CCSER1: variants seen among roughly 807,000 people sequenced by gnomAD.
The protein encoded by CCSER1 is coiled-coil serine rich protein 1.
CCSER1 carries 41 observed loss-of-function variants against 82.0 expected under a neutral mutation model. That is an observed-to-expected ratio of 0.50 (90% CI 0.39 to 0.65). The LOEUF is 0.65. CCSER1 is among the 30% of genes least tolerant of loss of function. CCSER1 has a pLI of 0.00. For synonymous variants in CCSER1, 414 were observed against 383.9 expected, an observed-to-expected ratio of 1.08 and a Z score of -0.92; for missense variants, 1,119 against 1,064.2, an observed-to-expected ratio of 1.05 and a Z score of -0.72.
intron 1 of CCSER1, among the ~76,000 whole-genome samples, chr4:90,132,983 G>A (rs1723062760): frequency 1.3e-5 from 2 of 152,144 alleles, no homozygotes; most frequent in Non-Finnish European, 2.9e-5. Flanking sequence ...ATAGCAGCAA[G>A]TATAAACTTG....
At chr4:91,077,183 G>T (rs9998903) in intron 9 of CCSER1, among the ~76,000 whole-genome samples, 1 of 152,066 alleles carries the variant, frequency 6.6e-6, no homozygotes, top group Non-Finnish European at 1.5e-5. Context: ...AATACAGAGG[G>T]TATTCAGTAG....
intron 10 of CCSER1, among the ~76,000 whole-genome samples, chr4:91,347,981 T>G (rs1748177843): frequency 1.3e-5 from 2 of 152,086 alleles, no homozygotes; most frequent in South Asian, 2.1e-4. Context: ...TTTGTTGTTC[T>G]TATTTCATTG....
intron 7 of CCSER1, among the ~76,000 whole-genome samples, chr4:90,812,783 G>GGA (rs576180696): frequency 5.9e-5 from 9 of 151,908 alleles, no homozygotes; most frequent in Non-Finnish European, 7.4e-5. Flanking sequence ...CAAAGCAGCA[G>GGA]GAGAGAGAGA....
intron 3 of CCSER1, among the ~76,000 whole-genome samples, chr4:90,334,466 T>C (rs1249945960): frequency 6.6e-6 from 1 of 152,148 alleles, no homozygotes. Context: ...GTGTTCTTTA[T>C]TATTGTGACT....
At chr4:91,590,353 T>C (rs999845584) in intron 10 of CCSER1, among the ~76,000 whole-genome samples, 5 of 152,162 alleles carry the variant, frequency 3.3e-5, no homozygotes, top group African/African-American at 9.6e-5. Context: ...GGTTATTACA[T>C]CAACTTATTA....
chr4:90,711,255 A>G (rs1740555915), intron 6 of CCSER1, among the ~76,000 whole-genome samples: 1 of 152,104 alleles, frequency 6.6e-6, no homozygotes, highest in Non-Finnish European at 1.5e-5. Flanking sequence ...TTTTCTAGAT[A>G]TAGTGTCATG....
At chr4:90,971,307 A>G (rs908653806) in intron 9 of CCSER1, among the ~76,000 whole-genome samples, 5 of 151,868 alleles carry the variant, frequency 3.3e-5, no homozygotes, top group Admixed American at 2.0e-4. Context: ...AGAGCAGGAG[A>G]GAGAGAGCAA....
intron 10 of CCSER1, among the ~76,000 whole-genome samples, chr4:91,348,791 G>GA (rs1748248840): frequency 6.6e-6 from 1 of 152,108 alleles, no homozygotes; most frequent in African/African-American, 2.4e-5. Flanking sequence ...GTTCAGTAAT[G>GA]ATAGTTGCTT....
intron 3 of CCSER1, among the ~76,000 whole-genome samples, chr4:90,333,163 C>T (rs1739648981): frequency 6.6e-6 from 1 of 152,142 alleles, no homozygotes; most frequent in African/African-American, 2.4e-5. Context: ...CAATTTATCT[C>T]ATTCCTGGTG....
intron 7 of CCSER1, among the ~76,000 whole-genome samples, chr4:90,767,009 C>G (rs1365271053): frequency 6.6e-6 from 1 of 152,138 alleles, no homozygotes; most frequent in East Asian, 1.9e-4. Context: ...ACTGAGCAAG[C>G]TGAATGTCAC....
chr4:90,437,577 G>C (rs1029613652), intron 4 of CCSER1, among the ~76,000 whole-genome samples: 9 of 152,148 alleles, frequency 5.9e-5, no homozygotes, highest in East Asian at 1.9e-4. Context: ...AAAATTTCCT[G>C]GTTTTGGGAA....
chr4:90,554,967 A>T (rs932691446), intron 5 of CCSER1, among the ~76,000 whole-genome samples: 1 of 152,218 alleles, frequency 6.6e-6, no homozygotes, highest in African/African-American at 2.4e-5. Flanking sequence ...CTAAAAACTG[A>T]TAAACACTTC....
intron 10 of CCSER1, among the ~76,000 whole-genome samples, chr4:91,407,117 C>T (rs921717214): frequency 5.9e-5 from 9 of 152,098 alleles, no homozygotes; most frequent in Middle Eastern, 3.2e-3. Context: ...TAAATTTGTT[C>T]TTGCTTTGCT....
intron 6 of CCSER1, among the ~76,000 whole-genome samples, chr4:90,709,797 C>A (rs1274178912): frequency 6.6e-6 from 1 of 152,008 alleles, no homozygotes; most frequent in Non-Finnish European, 1.5e-5. Flanking sequence ...TGGGTATATA[C>A]CCAGTAATGG....
At chr4:91,466,256 AT>A (rs1756899124) in intron 10 of CCSER1, among the ~76,000 whole-genome samples, 1 of 152,200 alleles carries the variant, frequency 6.6e-6, no homozygotes, top group Non-Finnish European at 1.5e-5. Context: ...CAAAAACCAC[AT>A]AATTATCTCA....
intron 5 of CCSER1, among the ~76,000 whole-genome samples, chr4:90,568,297 T>A (rs912265831): frequency 2.6e-5 from 4 of 152,204 alleles, no homozygotes; most frequent in African/African-American, 9.6e-5. Flanking sequence ...TTGTAGTCCA[T>A]CTCTCCCTTC....
intron 10 of CCSER1, among the ~76,000 whole-genome samples, chr4:91,473,318 A>G (rs768649978): frequency 6.6e-6 from 1 of 152,202 alleles, no homozygotes; most frequent in Non-Finnish European, 1.5e-5. Context: ...TGGTGATGCC[A>G]TGAAGCAGCT....
chr4:91,283,368 C>T (rs1743059254), intron 10 of CCSER1, among the ~76,000 whole-genome samples: 1 of 151,948 alleles, frequency 6.6e-6, no homozygotes, highest in South Asian at 2.1e-4. Context: ...CTTCATCTTT[C>T]CTTTCTATAG....
chr4:90,816,883 A>G (rs1759090954), intron 8 of CCSER1, among the ~76,000 whole-genome samples: 1 of 152,208 alleles, frequency 6.6e-6, no homozygotes, highest in East Asian at 1.9e-4. Context: ...ACAACTGACA[A>G]TGTTTTCCCT....
Sources: gnomAD v4.1 joint callset for allele counts (sites outside exome capture counted in the v4.1 genomes callset) on GRCh38, gnomAD v4.1.1 for gene constraint, MANE v1.5 for transcripts, NCBI Gene and HGNC (gene_info 2026-07-23, HGNC 2026-07-21) for gene names.